MARCHF3: variants seen among roughly 807,000 people sequenced by gnomAD.
MARCHF3 encodes the protein E3 ubiquitin-protein ligase MARCHF3.
MARCHF3 carries 13 observed loss-of-function variants against 24.2 expected under a neutral mutation model. The observed-to-expected ratio is 0.54, with a 90% confidence interval of 0.35 to 0.85. The LOEUF (loss-of-function observed/expected upper bound fraction) is 0.85. Among genes scored for constraint, MARCHF3 ranks in the 40% least tolerant of loss-of-function variants. MARCHF3 has a pLI of 0.01. For missense variants in MARCHF3, 276 were observed against 325.0 expected (o/e 0.85, Z 1.16); for synonymous variants, 144 against 137.3 (o/e 1.05, Z -0.34).
chr5:127,029,897 C>T (rs77347357), intron 1 of MARCHF3: 3,108 of 152,438 alleles, frequency 0.02, 76 homozygotes, highest in South Asian at 0.12. Flanking sequence ...CCGGCTGGTA[C>T]TCCAGTTCTC....
chr5:126,901,211 T>C (rs1048293616), intron 3 of MARCHF3, among the ~76,000 whole-genome samples: 15 of 152,156 alleles, frequency 9.9e-5, no homozygotes, highest in African/African-American at 2.4e-4. Context: ...TTCTCACATA[T>C]CCATCACAGT....
At chr5:127,014,416 A>AAACAG (rs1266282079) in intron 1 of MARCHF3, among the ~76,000 whole-genome samples, 21 of 152,170 alleles carry the variant, frequency 1.4e-4, no homozygotes, top group Non-Finnish European at 2.8e-4. Flanking sequence ...AAAAAACTAA[A>AAACAG]AACAGAACTA....
intron 1 of MARCHF3, among the ~76,000 whole-genome samples, chr5:127,005,556 T>C (rs569583998): frequency 3.5e-4 from 54 of 152,268 alleles, no homozygotes; most frequent in Middle Eastern, 3.4e-3. Context: ...ACAACAGCCA[T>C]CAATAGGCAT....
chr5:126,918,431 TGAATAA>T (rs2126795119), intron 1 of MARCHF3, among the ~76,000 whole-genome samples: 1 of 152,228 alleles, frequency 6.6e-6, no homozygotes, highest in Non-Finnish European at 1.5e-5. Flanking sequence ...AGATATGGTA[TGAATAA>T]GACAGCAAGC....
In MARCHF3 at chr5:127,023,517, G is replaced by A. The variant is rs559730398; in HGVS notation, c.-57+6833C>T. Among the ~76,000 whole-genome samples, 464 of 152,200 alleles carry A rather than the reference G, an allele frequency of 3.0e-3. 1 individual carries two copies. The highest frequency in any genetic ancestry group is 0.011 in the African/African-American group (448 of 41,526). On this transcript the variant is annotated intron_variant, in intron 1 of 4. Coordinates refer to ENST00000308660, the MANE Select transcript of MARCHF3 (RefSeq NM_178450.5). ...AAGCTGAGGTGGGCAGATCACTTGA[G>A]GTCAGGAGTTCAAGACTAGCCTGGC...
At chr5:127,021,811 AG>A (rs1752814371) in intron 1 of MARCHF3, among the ~76,000 whole-genome samples, 1 of 152,252 alleles carries the variant, frequency 6.6e-6, no homozygotes, top group Non-Finnish European at 1.5e-5. Flanking sequence ...ATAATTCTGA[AG>A]GGAATGAAAA....
intron 1 of MARCHF3, among the ~76,000 whole-genome samples, chr5:127,026,605 TA>T (rs2126867342): frequency 6.6e-6 from 1 of 152,378 alleles, no homozygotes; most frequent in Admixed American, 6.5e-5. Context: ...TATGAACGAC[TA>T]AGCATAACCC....
At chr5:126,913,149 G>A (rs187758217) in intron 3 of MARCHF3, among the ~76,000 whole-genome samples, 7 of 152,344 alleles carry the variant, frequency 4.6e-5, no homozygotes, top group Admixed American at 2.0e-4. Context: ...GATTTCGTCT[G>A]AGAAAAATTA....
At chr5:126,954,338 C>T (rs911088554) in intron 1 of MARCHF3, among the ~76,000 whole-genome samples, 1 of 151,792 alleles carries the variant, frequency 6.6e-6, no homozygotes, top group South Asian at 2.1e-4. Context: ...CGTGAGCCAC[C>T]GTGCCCGGCC....
chr5:126,919,240 G>C (rs1749015882), intron 1 of MARCHF3, among the ~76,000 whole-genome samples: 1 of 152,192 alleles, frequency 6.6e-6, no homozygotes, highest in Non-Finnish European at 1.5e-5. Context: ...TAATAGGTCA[G>C]CATGTGACAC....
At chr5:126,880,258 C>T (rs1310627647) in intron 3 of MARCHF3, among the ~76,000 whole-genome samples, 1 of 152,148 alleles carries the variant, frequency 6.6e-6, no homozygotes, top group Non-Finnish European at 1.5e-5. Context: ...AACACTCCAC[C>T]TTTCAGGGAC....
intron 1 of MARCHF3, among the ~76,000 whole-genome samples, chr5:127,021,424 G>C (rs144220882): frequency 6.6e-6 from 1 of 152,282 alleles, no homozygotes; most frequent in East Asian, 1.9e-4. Context: ...ATGTAACAGA[G>C]AGCAGAAAAT....
chr5:126,904,128 A>C (rs1273683043), intron 3 of MARCHF3, among the ~76,000 whole-genome samples: 2 of 149,882 alleles, frequency 1.3e-5, no homozygotes, highest in Non-Finnish European at 3.0e-5. Flanking sequence ...CCACGTCCCT[A>C]CAAAGGACAT....
intron 1 of MARCHF3, among the ~76,000 whole-genome samples, chr5:126,996,102 G>A (rs953374042): frequency 3.3e-5 from 5 of 152,196 alleles, no homozygotes; most frequent in African/African-American, 4.8e-5. Context: ...TGAAAGCCAC[G>A]AGTATTTGAA....
At chr5:127,005,597 T>C (rs1752285869) in intron 1 of MARCHF3, among the ~76,000 whole-genome samples, 1 of 152,260 alleles carries the variant, frequency 6.6e-6, no homozygotes, top group Non-Finnish European at 1.5e-5. Context: ...GGCAAAATTT[T>C]ATTTAGCAGA....
chr5:127,013,474 T>C (rs1325549090), intron 1 of MARCHF3, among the ~76,000 whole-genome samples: 1 of 152,168 alleles, frequency 6.6e-6, no homozygotes, highest in East Asian at 1.9e-4. Flanking sequence ...CCCAGCCCTT[T>C]AATTACTGGT....
chr5:127,020,980 C>A (rs887065732), intron 1 of MARCHF3, among the ~76,000 whole-genome samples: 42 of 152,232 alleles, frequency 2.8e-4, no homozygotes, highest in African/African-American at 9.4e-4. Context: ...GAAGGCCCTC[C>A]CCAGACACCA....
chr5:126,906,311 C>A (rs1754294401), intron 3 of MARCHF3, among the ~76,000 whole-genome samples: 2 of 152,130 alleles, frequency 1.3e-5, no homozygotes, highest in South Asian at 4.1e-4. Context: ...GCTTTGGTAT[C>A]AGGATGATGC....
At chr5:127,016,112 T>G (rs1752630955) in intron 1 of MARCHF3, among the ~76,000 whole-genome samples, 1 of 152,160 alleles carries the variant, frequency 6.6e-6, no homozygotes, top group African/African-American at 2.4e-5. Flanking sequence ...CTACTGTGCC[T>G]AATTTATAAA....
Sources: gnomAD v4.1 joint callset for allele counts (sites outside exome capture counted in the v4.1 genomes callset) on GRCh38, gnomAD v4.1.1 for gene constraint, MANE v1.5 for transcripts, NCBI Gene and HGNC (gene_info 2026-07-23, HGNC 2026-07-21) for gene names.